CALN1: variants seen among roughly 807,000 people sequenced by gnomAD.
CALN1 encodes the protein calcium-binding protein 8.
CALN1 carries 17 observed loss-of-function variants against 30.6 expected under a neutral mutation model. The observed-to-expected ratio is 0.56, with a 90% CI of 0.38 to 0.83. The LOEUF (loss-of-function observed/expected upper bound fraction) is 0.83. CALN1 is among the 40% of genes least tolerant of loss of function. The pLI is 0.00. For missense variants in CALN1, 291 were observed against 354.9 expected (o/e 0.82, Z 1.45); for synonymous variants, 156 against 131.4 (o/e 1.19, Z -1.28).
intron 2 of CALN1, among the ~76,000 whole-genome samples, chr7:72,368,466 ATCAT>A (rs1427548232): frequency 6.6e-6 from 1 of 152,016 alleles, no homozygotes; most frequent in Admixed American, 6.6e-5. Context: ...TTTTGTGTGT[ATCAT>A]TCAAATTTTC....
chr7:72,429,303 G>A (rs986850654), intron 1 of CALN1, among the ~76,000 whole-genome samples: 5 of 152,112 alleles, frequency 3.3e-5, no homozygotes, highest in Non-Finnish European at 4.4e-5. Flanking sequence ...TATGAGTCCC[G>A]TCAGAGCAGG....
rs548731691 is a variant in CALN1, at chr7:72,308,299, G to C, written c.120-29489C>G. Reference sequence around the variant, plus strand: ...AGATCATTTGAACCAGGGAGAAGGAGGTTGCAGTGAGCTGAGATTGCACCA... The same window carrying C: ...AGATCATTTGAACCAGGGAGAAGGACGTTGCAGTGAGCTGAGATTGCACCA... On this transcript the variant is annotated intron_variant, in intron 2 of 6. Coordinates refer to ENST00000395275, the MANE Select transcript of CALN1 (RefSeq NM_031468.4). Among the ~76,000 whole-genome samples, 3 of 149,106 alleles carry C rather than the reference G, an allele frequency of 2.0e-5. No homozygotes were observed. In the South Asian group the frequency reaches 6.4e-4, roughly 32 times the overall value.
rs555547820 is a variant in CALN1 at position 71,815,811 on chromosome 7, CCTT to C, written c.502-5322_502-5320del. 3.1e-3 allele frequency among the ~76,000 whole-genome samples: 407 copies of C among 130,516 alleles called. 11 individuals are homozygous for C. In the East Asian group the frequency reaches 0.046, roughly 15 times the overall value. 85.6% of individuals were successfully genotyped at this position (130,516 alleles called of 152,430 possible). A position where few individuals can be genotyped will look rare whatever the true frequency, so the allele number is the denominator to read the frequency against. On this transcript the variant is annotated intron_variant, in intron 5 of 6. Coordinates refer to ENST00000395275, the MANE Select transcript of CALN1 (RefSeq NM_031468.4). ...CCTCCCTTCCCACCCTCCCGCCCTC[CCTT>C]CTTTTCTTCCTCCCTCCCTCCCTCC...
chr7:72,258,955 C>T (rs1212431529), intron 3 of CALN1, among the ~76,000 whole-genome samples: 1 of 151,252 alleles, frequency 6.6e-6, no homozygotes, highest in Non-Finnish European at 1.5e-5. Flanking sequence ...GTGGCACACA[C>T]CTATAATTCC....
chr7:72,267,368 C>A (rs1796667502), intron 3 of CALN1, among the ~76,000 whole-genome samples: 1 of 152,180 alleles, frequency 6.6e-6, no homozygotes, highest in African/African-American at 2.4e-5. Flanking sequence ...TCATGGCCAG[C>A]CTTTCCTGGG....
Position 71,784,611 on chromosome 7 carries a change from T to C in CALN1, c.*3164A>G, listed in dbSNP as rs1584198945. On this transcript the variant is annotated 3_prime_UTR_variant, in exon 7 of 7. Transcript: ENST00000395275. ...CCCTTCTCTCCCAAGGAAAATGCCT[T>C]CTTGCTCATCACTTGTGCTTTCCAG... 2.6e-6 allele frequency: 1 copy of C among 388,800 alleles called. No homozygotes were observed. The highest frequency in any genetic ancestry group is 6.5e-4 in the Middle Eastern group (1 of 1,534). The allele number at this position is 388,800 out of a possible 1,614,324, so 24.1% of individuals were successfully genotyped here.
At chr7:72,287,401 G>T (rs62464864) in intron 2 of CALN1, among the ~76,000 whole-genome samples, 1 of 147,996 alleles carries the variant, frequency 6.8e-6, no homozygotes, top group Non-Finnish European at 1.5e-5. Flanking sequence ...GGATTTCTGA[G>T]ATCTATCTAA....
chr7:71,982,893 C>A (rs896863018), intron 5 of CALN1, among the ~76,000 whole-genome samples: 1 of 152,198 alleles, frequency 6.6e-6, no homozygotes, highest in Non-Finnish European at 1.5e-5. Context: ...CTACCTGGGA[C>A]TAGGCATGTC....
chr7:72,049,798 G>A lies in CALN1; in HGVS notation c.389-26029C>T, dbSNP rs915714306. Among the ~76,000 whole-genome samples, 135 of 141,670 alleles carry A rather than the reference G, an allele frequency of 9.5e-4. 11 individuals carry two copies. The highest frequency in any genetic ancestry group is 2.4e-4 in the South Asian group (1 of 4,150). The allele number at this position is 141,670 out of a possible 152,430, so 92.9% of individuals were successfully genotyped here. A position where few individuals can be genotyped will look rare whatever the true frequency, so the allele number is the denominator to read the frequency against. On this transcript the variant is annotated intron_variant, in intron 4 of 6. Coordinates refer to ENST00000395275, the MANE Select transcript of CALN1 (RefSeq NM_031468.4). ...GCTGGGATTACAGGTGTGAGCACCCGGGCCAAGTCTATTTCTTTTTTTTTT... is the reference window on the plus strand; with the variant it reads ...GCTGGGATTACAGGTGTGAGCACCCAGGCCAAGTCTATTTCTTTTTTTTTT...
intron 5 of CALN1, among the ~76,000 whole-genome samples, chr7:71,989,562 A>G (rs185443110): frequency 6.6e-6 from 1 of 152,110 alleles, no homozygotes; most frequent in East Asian, 1.9e-4. Context: ...CACCAAGTAC[A>G]CTCTCTGAGC....
intron 6 of CALN1, among the ~76,000 whole-genome samples, chr7:71,788,463 C>A (rs1793103243): frequency 6.6e-6 from 1 of 151,218 alleles, no homozygotes; most frequent in Non-Finnish European, 1.5e-5. Flanking sequence ...CAAGCAGCAT[C>A]CCCATTACTA....
At position 71,786,709 on chromosome 7, in the gene CALN1, G is replaced by A. The variant is rs1288482197; in HGVS notation, c.*1066C>T. ...GAAGACTAACAAAGCAAACTCCAAG[G>A]TAAGGGAAAGGTAAGATGCACAAGG... On this transcript the variant is annotated 3_prime_UTR_variant, in exon 7 of 7. Coordinates refer to ENST00000395275, the MANE Select transcript of CALN1 (RefSeq NM_031468.4). 6.6e-6 allele frequency: 1 copy of A among 152,128 alleles called. No individual in the cohort carries two copies. Among genetic ancestry groups the A allele is most frequent in the East Asian group, 1.9e-4 (1 of 5,174 alleles). The allele number at this position is 152,128 out of a possible 1,614,324, so 9.4% of individuals were successfully genotyped here.
At chr7:71,856,691 A>C (rs1790966660) in intron 5 of CALN1, among the ~76,000 whole-genome samples, 1 of 152,180 alleles carries the variant, frequency 6.6e-6, no homozygotes, top group Non-Finnish European at 1.5e-5. Context: ...GTGGTGGCTC[A>C]TGCCTATAAT....
In CALN1 at chr7:71,780,181, A is replaced by G. The variant is rs192512933; in HGVS notation, c.*7594T>C. ...AACTGGGGAAGAAAATCAGACCCCA[A>G]TAAGGACCCCTGAAAGCTGATTTTG... On this transcript the variant is annotated 3_prime_UTR_variant, in exon 7 of 7. Coordinates refer to ENST00000395275, the MANE Select transcript of CALN1 (RefSeq NM_031468.4). The G allele has an allele frequency of 3.3e-5, 5 of 152,308 alleles. No individual in the cohort carries two copies. The highest frequency in any genetic ancestry group is 7.2e-5 in the African/African-American group (3 of 41,572). 9.4% of individuals were successfully genotyped at this position (152,308 alleles called of 1,614,324 possible). A position where few individuals can be genotyped will look rare whatever the true frequency, so the allele number is the denominator to read the frequency against.
chr7:72,106,396 A>G (rs2129541286), intron 3 of CALN1, 102 bp from the exon 4 acceptor site: 1 of 1,398,590 alleles, frequency 7.2e-7, no homozygotes, highest in Non-Finnish European at 9.8e-7. Context: ...TGCTTTAAAA[A>G]CAGTGATTTG....
At chr7:72,149,661 C>G (rs934471953) in intron 3 of CALN1, among the ~76,000 whole-genome samples, 1 of 152,126 alleles carries the variant, frequency 6.6e-6, no homozygotes. Context: ...CTCCCATTCC[C>G]TATTTTCAGG....
chr7:72,299,975 C>T (rs764889874), intron 2 of CALN1, among the ~76,000 whole-genome samples: 22 of 151,882 alleles, frequency 1.4e-4, no homozygotes, highest in Non-Finnish European at 2.5e-4. Context: ...TCTGCCTCCC[C>T]GGTTTAAGCA....
chr7:72,060,148 A>T (rs971239086), intron 4 of CALN1, among the ~76,000 whole-genome samples: 1 of 152,062 alleles, frequency 6.6e-6, no homozygotes, highest in Non-Finnish European at 1.5e-5. Flanking sequence ...ATTCAGAGAG[A>T]GTGGGGGAAA....
In CALN1 at chr7:71,892,403, G is replaced by A. The variant is rs754876103; in HGVS notation, c.502-81911C>T. ...TGTAATCCCAGCACTTTGGGAGGCC[G>A]AGGTGGGCGGATTACTTGAGGCCAG... On this transcript the variant is annotated intron_variant, in intron 5 of 6. Transcript: ENST00000395275. 5.9e-5 allele frequency among the ~76,000 whole-genome samples: 9 copies of A among 152,288 alleles called. No homozygotes were observed. In the South Asian group the frequency reaches 8.3e-4, roughly 14 times the overall value.
Sources: gnomAD v4.1 joint callset for allele counts (sites outside exome capture counted in the v4.1 genomes callset) on GRCh38, gnomAD v4.1.1 for gene constraint, MANE v1.5 for transcripts, NCBI Gene and HGNC (gene_info 2026-07-23, HGNC 2026-07-21) for gene names.